The following TMEM116 variants were observed in gnomAD, a reference collection of about 807,000 sequenced individuals.
TMEM116 encodes transmembrane protein 116.
A neutral mutation model predicts 44.3 loss-of-function variants in TMEM116; 38 were observed. The observed-to-expected ratio is 0.86, with a 90% confidence interval of 0.66 to 1.12. The LOEUF (loss-of-function observed/expected upper bound fraction) is 1.12, where lower values mean the gene tolerates loss of function less well. TMEM116 is among the 50% of genes most tolerant of loss of function. The pLI is 0.00. For synonymous variants in TMEM116, 132 were observed against 144.8 expected (o/e 0.91, Z 0.64); for missense variants, 354 against 401.7 (o/e 0.88, Z 1.01).
chr12:111,940,805 G>A (rs1235320136), intron 5 of TMEM116, among the ~76,000 whole-genome samples: 2 of 151,834 alleles, frequency 1.3e-5, no homozygotes, highest in East Asian at 3.9e-4. Context: ...TTGGCTTCTG[G>A]TCTAATCATG....
chr12:112,009,247 T>C (rs2077726323), intron 1 of TMEM116, among the ~76,000 whole-genome samples: 1 of 152,034 alleles, frequency 6.6e-6, no homozygotes, highest in Admixed American at 6.6e-5. Context: ...TCTAAATAAA[T>C]CCACCACTCC....
intron 4 of TMEM116, among the ~76,000 whole-genome samples, chr12:111,953,114 C>T (rs1237873265): frequency 1.3e-5 from 2 of 152,150 alleles, no homozygotes; most frequent in African/African-American, 4.8e-5. Context: ...GCTGGCCCAA[C>T]ACTTTGTGAT....
At chr12:111,939,129 T>C (rs2136243915) in intron 5 of TMEM116, among the ~76,000 whole-genome samples, 1 of 152,270 alleles carries the variant, frequency 6.6e-6, no homozygotes, top group Admixed American at 6.5e-5. Flanking sequence ...TAACTCCTAT[T>C]TTTACCTGGG....
chr12:111,993,414 G>T, intron 3 of TMEM116: 1 of 552,348 alleles, frequency 1.8e-6, no homozygotes, highest in South Asian at 1.4e-5. Flanking sequence ...CTTTTATGAA[G>T]TCTTTAAAGT....
intron 1 of TMEM116, 86 bp from the exon 2 acceptor site, chr12:112,005,389 A>G: frequency 1.0e-6 from 1 of 984,028 alleles, no homozygotes; most frequent in Non-Finnish European, 1.3e-6. Flanking sequence ...TCTGTACAGC[A>G]TGAATTTTTC....
chr12:111,967,762 G>A (rs1255298789), intron 4 of TMEM116, among the ~76,000 whole-genome samples: 2 of 152,112 alleles, frequency 1.3e-5, no homozygotes, highest in African/African-American at 4.8e-5. Context: ...TTCTGGCCAA[G>A]ATGGAGTGAC....
chr12:112,003,936 G>GTT (rs2077428166), intron 2 of TMEM116, 73 bp from the exon 3 acceptor site: 1 of 1,409,426 alleles, frequency 7.1e-7, no homozygotes, highest in Admixed American at 3.4e-5. Context: ...ATTAATTTTG[G>GTT]GTTTTTTTTA....
At position 111,934,040 on chromosome 12, in the gene TMEM116, A is replaced by C. The variant is rs2071910664; in HGVS notation, c.589-10T>G. On this transcript the variant is annotated splice_polypyrimidine_tract_variant and intron_variant, in intron 8 of 10. Coordinates refer to ENST00000552374, the MANE Select transcript of TMEM116 (RefSeq NM_001193531.2). ...CTCGGATAAGTAAGACCTAAATATGAGTACAGCAGTGAGCAGTTTGCTTAA... is the reference window on the plus strand; with the variant it reads ...CTCGGATAAGTAAGACCTAAATATGCGTACAGCAGTGAGCAGTTTGCTTAA... 1 of 1,613,922 alleles carries C rather than the reference A, an allele frequency of 6.2e-7. No individual in the cohort carries two copies. The highest frequency in any genetic ancestry group is 8.5e-7 in the Non-Finnish European group (1 of 1,179,894).
chr12:111,943,154 G>A (rs993502969), intron 5 of TMEM116, 111 bp downstream of exon 5: 2 of 832,132 alleles, frequency 2.4e-6, no homozygotes, highest in Admixed American at 2.0e-5. Flanking sequence ...GAATTCCTGG[G>A]CATAAGCAAT....
At chr12:111,972,771 C>T (rs548216656) in intron 4 of TMEM116, among the ~76,000 whole-genome samples, 12 of 152,090 alleles carry the variant, frequency 7.9e-5, no homozygotes, top group African/African-American at 2.4e-4. Context: ...CCCAGCTACT[C>T]GGGAGGCTGA....
intron 4 of TMEM116, among the ~76,000 whole-genome samples, chr12:111,966,777 T>G (rs1263917416): frequency 6.6e-6 from 1 of 152,236 alleles, no homozygotes; most frequent in Non-Finnish European, 1.5e-5. Context: ...CCAGCTGTAC[T>G]GAGCCATTTC....
At chr12:111,993,451 A>G in intron 3 of TMEM116, 4 of 562,592 alleles carry the variant, frequency 7.1e-6, no homozygotes, top group East Asian at 4.6e-5. Flanking sequence ...CTCCCAGAGC[A>G]TGTTATCTCT....
intron 1 of TMEM116, among the ~76,000 whole-genome samples, chr12:112,006,326 T>G (rs1424016248): frequency 6.6e-6 from 1 of 151,828 alleles, no homozygotes; most frequent in Non-Finnish European, 1.5e-5. Flanking sequence ...AGTGAAAAGA[T>G]AAATAGAGCT....
At chr12:111,941,389 AAG>A (rs1245848619) in intron 5 of TMEM116, among the ~76,000 whole-genome samples, 6 of 152,084 alleles carry the variant, frequency 3.9e-5, no homozygotes, top group Admixed American at 6.5e-5. Flanking sequence ...AAAAAAAAAA[AAG>A]AGTAATTATT....
chr12:111,947,653 T>G (rs978227697), intron 4 of TMEM116, among the ~76,000 whole-genome samples: 3 of 152,236 alleles, frequency 2.0e-5, no homozygotes, highest in Non-Finnish European at 4.4e-5. Flanking sequence ...AGATTTTACA[T>G]GGTTATTCAA....
At chr12:111,995,708 A>G (rs2076892879) in intron 3 of TMEM116, among the ~76,000 whole-genome samples, 1 of 152,112 alleles carries the variant, frequency 6.6e-6, no homozygotes, top group African/African-American at 2.4e-5. Context: ...ACTGCACTCC[A>G]GCCTGAGCGA....
intron 3 of TMEM116, among the ~76,000 whole-genome samples, chr12:112,002,805 C>T (rs1236588662): frequency 6.6e-6 from 1 of 152,082 alleles, no homozygotes; most frequent in East Asian, 1.9e-4. Context: ...TTAAAGTGGG[C>T]CCAATAAAAC....
chr12:111,937,105 T>C, intron 7 of TMEM116, 55 bp downstream of exon 7: 1 of 1,484,368 alleles, frequency 6.7e-7, no homozygotes. Context: ...GCTCTATTTA[T>C]AGAAACAAAT....
chr12:111,989,299 G>A (rs1389737568), intron 4 of TMEM116, among the ~76,000 whole-genome samples: 1 of 152,138 alleles, frequency 6.6e-6, no homozygotes, highest in Non-Finnish European at 1.5e-5. Context: ...TCTATTTTAG[G>A]CAACAGAGAT....
Sources: allele counts gnomAD v4.1 joint callset (sites outside exome capture counted in the v4.1 genomes callset), GRCh38; gene constraint gnomAD v4.1.1; transcripts MANE v1.5; gene names NCBI Gene and HGNC (gene_info 2026-07-23, HGNC 2026-07-21).